Variants in NFIL3 observed in about 807,000 individuals in gnomAD.
NFIL3 encodes the protein nuclear factor interleukin-3-regulated protein.
Under a neutral mutation model 10.0 loss-of-function variants are expected in NFIL3, and 5 were observed. The ratio of observed to expected loss-of-function variants is 0.50; its 90% CI spans 0.26 to 1.06. The LOEUF (loss-of-function observed/expected upper bound fraction) is 1.06, where lower values mean the gene tolerates loss of function less well. Ranked by LOEUF, NFIL3 falls within the 50% of genes least tolerant of loss-of-function variation. The pLI is 0.13. For synonymous variants in NFIL3, 202 were observed against 206.5 expected (o/e 0.98, Z 0.19); for missense variants, 436 against 547.6 (o/e 0.80, Z 2.03).
At chr9:91,461,293 T>G in the NFIL3 span, among the ~76,000 whole-genome samples, 28 of 152,322 alleles carry the variant, frequency 1.8e-4, no homozygotes, top group East Asian at 4.2e-3. Flanking sequence ...TAGTTTGACT[T>G]CTTAAAATTT....
At chr9:91,474,466 T>C in the NFIL3 span, among the ~76,000 whole-genome samples, 3 of 152,188 alleles carry the variant, frequency 2.0e-5, no homozygotes, top group South Asian at 2.1e-4. Flanking sequence ...TCTGTTCCAG[T>C]ATGTGGTGAT....
chr9:91,444,715 A>G, the NFIL3 span, among the ~76,000 whole-genome samples: 3 of 151,870 alleles, frequency 2.0e-5, no homozygotes, highest in Non-Finnish European at 4.4e-5. Context: ...ATCAGCAATG[A>G]CTGTGGGTGC....
chr9:91,438,929 C>T, the NFIL3 span, among the ~76,000 whole-genome samples: 2 of 152,056 alleles, frequency 1.3e-5, no homozygotes, highest in African/African-American at 4.8e-5. Flanking sequence ...ATTATTATAG[C>T]TTTGCAATAT....
the NFIL3 span, among the ~76,000 whole-genome samples, chr9:91,445,048 A>G: frequency 3.7e-3 from 559 of 152,228 alleles, 8 homozygotes; most frequent in African/African-American, 0.013. Flanking sequence ...TAGTTCTCTA[A>G]TAAAGCTGGG....
the NFIL3 span, among the ~76,000 whole-genome samples, chr9:91,465,079 T>C: frequency 1.7e-4 from 26 of 152,108 alleles, no homozygotes; most frequent in Admixed American, 6.6e-4. Context: ...GTTATTCTAT[T>C]GGTATTTATC....
the NFIL3 span, among the ~76,000 whole-genome samples, chr9:91,430,731 G>A: frequency 3.3e-5 from 5 of 152,142 alleles, no homozygotes; most frequent in African/African-American, 1.2e-4. Flanking sequence ...CTGCAGCCTT[G>A]ACCTCCTGAG....
the NFIL3 span, among the ~76,000 whole-genome samples, chr9:91,454,660 C>T: frequency 0.052 from 7,958 of 151,972 alleles, 362 homozygotes; most frequent in East Asian, 0.17. Context: ...GGTGAAACCC[C>T]GTCTCCACTA....
chr9:91,465,288 A>G, the NFIL3 span, among the ~76,000 whole-genome samples: 15 of 152,150 alleles, frequency 9.9e-5, no homozygotes, highest in Non-Finnish European at 2.1e-4. Flanking sequence ...TTTAAAAAAA[A>G]TATTTCTTCT....
At chr9:91,422,985 C>T (rs1374276864) in intron 1 of NFIL3, among the ~76,000 whole-genome samples, 1 of 152,178 alleles carries the variant, frequency 6.6e-6, no homozygotes, top group East Asian at 1.9e-4. Context: ...CAACATTTCA[C>T]CGTGGGCAGA....
At chr9:91,427,018 C>T (rs560683703), upstream of NFIL3, 1 of 151,438 alleles carries the variant, frequency 6.6e-6, no homozygotes, top group Non-Finnish European at 1.5e-5. Context: ...TCAGCTCTCT[C>T]ATCAATTGCT....
chr9:91,453,022 G>A, the NFIL3 span, among the ~76,000 whole-genome samples: 2 of 152,010 alleles, frequency 1.3e-5, no homozygotes, highest in African/African-American at 4.8e-5. Context: ...AGACTGGGTG[G>A]CTTGTACAAC....
At chr9:91,453,615 A>G in the NFIL3 span, among the ~76,000 whole-genome samples, 2 of 152,026 alleles carry the variant, frequency 1.3e-5, no homozygotes, top group East Asian at 3.8e-4. Flanking sequence ...TGACCATTCG[A>G]GACTGTATTT....
the NFIL3 span, among the ~76,000 whole-genome samples, chr9:91,458,130 T>G: frequency 3.9e-5 from 6 of 152,196 alleles, no homozygotes; most frequent in African/African-American, 1.4e-4. Context: ...CATTTGTTAG[T>G]TTTTTTGAAT....
At chr9:91,472,142 T>TC in the NFIL3 span, among the ~76,000 whole-genome samples, 1 of 152,238 alleles carries the variant, frequency 6.6e-6, no homozygotes, top group Non-Finnish European at 1.5e-5. Flanking sequence ...TAACATTTTT[T>TC]CCTTCATTTC....
the NFIL3 span, among the ~76,000 whole-genome samples, chr9:91,473,287 G>C: frequency 6.6e-6 from 1 of 152,272 alleles, no homozygotes; most frequent in Non-Finnish European, 1.5e-5. Flanking sequence ...GCTGCCTTTT[G>C]TTCAGCTATG....
upstream of NFIL3, among the ~76,000 whole-genome samples, chr9:91,425,577 A>T (rs753885731): frequency 6.6e-6 from 1 of 152,048 alleles, no homozygotes; most frequent in Non-Finnish European, 1.5e-5. Flanking sequence ...TCCACTACAC[A>T]TTTTCCAAAC....
the NFIL3 span, among the ~76,000 whole-genome samples, chr9:91,478,187 T>C: frequency 1.3e-5 from 2 of 152,164 alleles, no homozygotes; most frequent in African/African-American, 4.8e-5. Flanking sequence ...TGAATCTGAA[T>C]GTTGGCCTAT....
At chr9:91,441,420 G>A in the NFIL3 span, among the ~76,000 whole-genome samples, 44 of 152,150 alleles carry the variant, frequency 2.9e-4, no homozygotes, top group African/African-American at 8.7e-4. Flanking sequence ...TGGGTCTGTC[G>A]TAGGAAGCAT....
chr9:91,466,689 C>T, the NFIL3 span, among the ~76,000 whole-genome samples: 10 of 152,204 alleles, frequency 6.6e-5, no homozygotes, highest in Admixed American at 3.9e-4. Flanking sequence ...TTTGGCCATA[C>T]GCAGGATAGT....
Sources: gnomAD v4.1 joint callset for allele counts (sites outside exome capture counted in the v4.1 genomes callset) on GRCh38, gnomAD v4.1.1 for gene constraint, MANE v1.5 for transcripts, NCBI Gene and HGNC (gene_info 2026-07-23, HGNC 2026-07-21) for gene names.